Variants in NRXN1 observed in about 807,000 individuals in gnomAD.
NRXN1 encodes the protein neurexin 1, also known as neurexin-1.
In NRXN1, 39 loss-of-function variants were observed where a neutral mutation model predicts 150.9. The ratio of observed to expected loss-of-function variants is 0.26; its 90% CI spans 0.20 to 0.34. NRXN1 has a LOEUF of 0.34. Ranked by LOEUF, NRXN1 falls within the 10% of genes least tolerant of loss-of-function variation. NRXN1 has a pLI of 1.00. For missense variants in NRXN1, 1,815 were observed against 1,949.9 expected, an observed-to-expected ratio of 0.93 and a Z score of 1.30; for synonymous variants, 924 against 757.0, an observed-to-expected ratio of 1.22 and a Z score of -3.62.
intron 17 of NRXN1, among the ~76,000 whole-genome samples, chr2:50,278,758 T>C (rs973590802): frequency 1.3e-5 from 2 of 152,112 alleles, no homozygotes; most frequent in Non-Finnish European, 2.9e-5. Context: ...AATTATAGTA[T>C]GGCAAAATAT....
At chr2:50,411,243 G>C (rs1432444020) in intron 17 of NRXN1, among the ~76,000 whole-genome samples, 1 of 152,204 alleles carries the variant, frequency 6.6e-6, no homozygotes, top group Non-Finnish European at 1.5e-5. Flanking sequence ...GGCCGGGCTG[G>C]TCTCCAGCTC....
intron 5 of NRXN1, among the ~76,000 whole-genome samples, chr2:50,834,574 T>A (rs908109557): frequency 3.3e-5 from 5 of 152,152 alleles, no homozygotes; most frequent in Admixed American, 2.6e-4. Flanking sequence ...ATAAGAATAA[T>A]TGGTACGTGA....
At chr2:50,006,390 A>T (rs1251241653) in intron 21 of NRXN1, among the ~76,000 whole-genome samples, 1 of 152,098 alleles carries the variant, frequency 6.6e-6, no homozygotes, top group Non-Finnish European at 1.5e-5. Context: ...TCCCTGGCTT[A>T]AAAAACATCA....
intron 17 of NRXN1, among the ~76,000 whole-genome samples, chr2:50,423,134 C>A (rs1426876413): frequency 6.6e-6 from 1 of 152,134 alleles, no homozygotes; most frequent in Non-Finnish European, 1.5e-5. Flanking sequence ...AAACATATTC[C>A]TTTCCTGTCT....
intron 21 of NRXN1, among the ~76,000 whole-genome samples, chr2:49,947,561 T>G: frequency 6.9e-6 from 1 of 145,958 alleles, no homozygotes; most frequent in Non-Finnish European, 1.5e-5. Flanking sequence ...TCAGTCTCAC[T>G]GTGTTACCCA....
intron 18 of NRXN1, among the ~76,000 whole-genome samples, chr2:50,130,021 C>G (rs995667094): frequency 6.6e-6 from 1 of 152,140 alleles, no homozygotes; most frequent in African/African-American, 2.4e-5. Flanking sequence ...CATGTTATCT[C>G]ATTTTTTCTT....
chr2:50,844,018 G>C (rs991411553), intron 5 of NRXN1, among the ~76,000 whole-genome samples: 2 of 152,046 alleles, frequency 1.3e-5, no homozygotes, highest in Non-Finnish European at 2.9e-5. Context: ...GGTCTAGGTG[G>C]TCACTCTCAC....
chr2:50,333,478 C>T (rs928250048), intron 17 of NRXN1, among the ~76,000 whole-genome samples: 1 of 152,048 alleles, frequency 6.6e-6, no homozygotes, highest in Non-Finnish European at 1.5e-5. Flanking sequence ...CTATCAGGCT[C>T]CTATAGAAAT....
intron 18 of NRXN1, among the ~76,000 whole-genome samples, chr2:50,216,206 G>C (rs932559920): frequency 1.3e-5 from 2 of 151,876 alleles, no homozygotes; most frequent in Non-Finnish European, 2.9e-5. Flanking sequence ...GGGTGACAGA[G>C]CAGAACTCCA....
chr2:50,352,198 T>C (rs1247960328), intron 17 of NRXN1, among the ~76,000 whole-genome samples: 2 of 152,094 alleles, frequency 1.3e-5, no homozygotes, highest in South Asian at 2.1e-4. Context: ...GATTTGAAAG[T>C]TGAGAGGAAA....
chr2:50,136,990 A>C (rs1574107709), intron 18 of NRXN1, among the ~76,000 whole-genome samples: 1 of 152,334 alleles, frequency 6.6e-6, no homozygotes, highest in Non-Finnish European at 1.5e-5. Context: ...ATTTGGGTTA[A>C]GTAAAACATA....
At chr2:51,015,713 A>G (rs1668564438) in intron 2 of NRXN1, among the ~76,000 whole-genome samples, 1 of 152,128 alleles carries the variant, frequency 6.6e-6, no homozygotes, top group Admixed American at 6.6e-5. Context: ...GATAGAAGAA[A>G]GACATATTTT....
At chr2:50,195,108 T>A (rs973267794) in intron 18 of NRXN1, among the ~76,000 whole-genome samples, 2 of 152,178 alleles carry the variant, frequency 1.3e-5, no homozygotes, top group Non-Finnish European at 2.9e-5. Flanking sequence ...AAACCTCAGA[T>A]ATATCCTGGA....
chr2:50,026,553 C>G (rs1688308538), intron 21 of NRXN1, among the ~76,000 whole-genome samples: 2 of 152,092 alleles, frequency 1.3e-5, no homozygotes, highest in African/African-American at 4.8e-5. Context: ...TGCTGTCTCT[C>G]AATGAGTTCA....
At chr2:50,172,262 G>A (rs2152802198) in intron 18 of NRXN1, among the ~76,000 whole-genome samples, 1 of 152,102 alleles carries the variant, frequency 6.6e-6, no homozygotes, top group Admixed American at 6.5e-5. Context: ...CACTATTTTA[G>A]CCTGTACCCT....
At chr2:50,907,902 T>C (rs1683949878) in intron 5 of NRXN1, among the ~76,000 whole-genome samples, 1 of 152,126 alleles carries the variant, frequency 6.6e-6, no homozygotes, top group South Asian at 2.1e-4. Context: ...TTTGTAGTAA[T>C]TTGTTATGGC....
intron 5 of NRXN1, among the ~76,000 whole-genome samples, chr2:50,693,892 T>A (rs1692421700): frequency 6.6e-6 from 1 of 152,278 alleles, no homozygotes; most frequent in South Asian, 2.1e-4. Context: ...CCTGGCATCA[T>A]GTCCCCCTTT....
intron 12 of NRXN1, among the ~76,000 whole-genome samples, chr2:50,522,663 A>C (rs1228080841): frequency 3.3e-5 from 5 of 150,662 alleles, no homozygotes; most frequent in African/African-American, 1.2e-4. Context: ...CAATTCTCAT[A>C]AGTTTAAACA....
intron 17 of NRXN1, among the ~76,000 whole-genome samples, chr2:50,432,119 A>AT (rs1404713275): frequency 6.6e-6 from 1 of 152,138 alleles, no homozygotes; most frequent in East Asian, 1.9e-4. Context: ...CAGGGAGTGA[A>AT]TACCTATGCT....
Sources: gnomAD v4.1 joint callset for allele counts (sites outside exome capture counted in the v4.1 genomes callset) on GRCh38, gnomAD v4.1.1 for gene constraint, MANE v1.5 for transcripts, NCBI Gene and HGNC (gene_info 2026-07-23, HGNC 2026-07-21) for gene names.